Variants in LHFPL5 observed in about 807,000 individuals in gnomAD.
The protein encoded by LHFPL5 is LHFPL tetraspan subfamily member 5 protein.
LHFPL5 carries 12 observed loss-of-function variants against 18.7 expected under a neutral mutation model. The ratio of observed to expected loss-of-function variants is 0.64; its 90% confidence interval spans 0.41 to 1.04. The LOEUF is 1.04. Ranked by LOEUF, LHFPL5 falls within the 50% of genes least tolerant of loss-of-function variation. The probability of loss-of-function intolerance (pLI) is 0.00; values close to 1 mark genes in which losing one functional copy is unlikely to be tolerated. For missense variants in LHFPL5, 259 were observed against 292.1 expected, an observed-to-expected ratio of 0.89 and a Z score of 0.83; for synonymous variants, 111 against 120.2, an observed-to-expected ratio of 0.92 and a Z score of 0.50.
chr6:35,806,018 C>T lies in LHFPL5; in HGVS notation c.348C>T (p.Ser116=), dbSNP rs373755299. 3 of 1,614,128 alleles carry T rather than the reference C, an allele frequency of 1.9e-6. No individual in the cohort carries two copies. Among genetic ancestry groups the T allele is most frequent in the Middle Eastern group, 1.6e-4 (1 of 6,084 alleles). The change falls in exon 1 of 4, where the codon AGC becomes AGT. Residue 116 remains serine (S), a synonymous_variant. Coordinates refer to ENST00000360215, the MANE Select transcript of LHFPL5 (RefSeq NM_182548.4). ...FLIIGSIICF[S]LFFICNTATV... ...TCATTGGCTCCATCATCTGCTTCAG[C>T]CTGTTCTTCATCTGCAACACGGCCA...
rs557741915 is a variant in LHFPL5 at position 35,814,658 on chromosome 6, C to A, written c.525C>A (p.Ile175=). 2 of 1,614,176 alleles carry A rather than the reference C, an allele frequency of 1.2e-6. No homozygotes were observed. Among genetic ancestry groups the A allele is most frequent in the East Asian group, 2.2e-5 (1 of 44,870 alleles). Reference sequence around the variant, plus strand: ...AGTACACGCTGGGCCACTGCACCATCCGCTGGGCCTTCATGCTGGCCATCC... The same window carrying A: ...AGTACACGCTGGGCCACTGCACCATACGCTGGGCCTTCATGCTGGCCATCC... ...TGKYTLGHCT[I]RWAFMLAILS... Residue 175 remains isoleucine, a synonymous_variant, in exon 2 of 4, where the codon ATC becomes ATA. Transcript: ENST00000360215. This position sits in a 1 kb window ranked among gnomAD's most constrained non-coding sequence, Gnocchi z 4.2.
At chr6:35,818,320 C>CATATATATATATATAT (rs112710434) in intron 2 of LHFPL5, among the ~76,000 whole-genome samples, 10 of 120,260 alleles carry the variant, frequency 8.3e-5, no homozygotes, top group African/African-American at 2.9e-4. Flanking sequence ...TACTAAAAGC[C>CATATATATATATATAT]ATATATATAT....
chr6:35,817,905 A>AT (rs2151071518), intron 2 of LHFPL5, among the ~76,000 whole-genome samples: 1 of 152,336 alleles, frequency 6.6e-6, no homozygotes, highest in African/African-American at 2.4e-5. Flanking sequence ...TTATACACAA[A>AT]TGTTCATGGC....
intron 3 of LHFPL5, among the ~76,000 whole-genome samples, chr6:35,822,576 C>T (rs540258166): frequency 1.3e-5 from 2 of 152,178 alleles, no homozygotes; most frequent in South Asian, 2.1e-4. Context: ...GGTCTGATCT[C>T]GGCTCACTGC....
At chr6:35,821,711 C>T (rs1768871252) in intron 3 of LHFPL5, among the ~76,000 whole-genome samples, 1 of 151,928 alleles carries the variant, frequency 6.6e-6, no homozygotes, top group Non-Finnish European at 1.5e-5. Flanking sequence ...GAACTCCCGA[C>T]CTCAGGTGAT....
At chr6:35,818,339 A>ATTTTTTT (rs1768800371) in intron 2 of LHFPL5, among the ~76,000 whole-genome samples, 1 of 27,864 alleles carries the variant, frequency 3.6e-5, no homozygotes, top group African/African-American at 2.3e-4. Flanking sequence ...ATATATATAT[A>ATTTTTTT]TATATATATG....
chr6:35,822,674 AT>A (rs1768887981), intron 3 of LHFPL5, among the ~76,000 whole-genome samples: 1 of 151,966 alleles, frequency 6.6e-6, no homozygotes, highest in Non-Finnish European at 1.5e-5. Flanking sequence ...CGCCTGGCTA[AT>A]TTTTTGTATT....
rs1768718192 is a variant in LHFPL5, at chr6:35,814,103, C to T, written c.413-443C>T. ...TGAGCCACCACCCCCAGGCTAGACA[C>T]TTTCTTATTGAGCTTATTTCACAGA... On this transcript the variant is annotated intron_variant, in intron 1 of 3. Transcript: ENST00000360215. This position sits in a 1 kb window ranked among gnomAD's most constrained non-coding sequence, Gnocchi z 4.2. 6.6e-6 allele frequency among the ~76,000 whole-genome samples: 1 copy of T among 152,198 alleles called. No homozygotes were observed. Among genetic ancestry groups the T allele is most frequent in the Non-Finnish European group, 1.5e-5 (1 of 68,032 alleles).
chr6:35,819,330 T>G, intron 2 of LHFPL5, 107 bp from the exon 3 acceptor site: 121 of 1,052,552 alleles, frequency 1.1e-4, no homozygotes, highest in Non-Finnish European at 1.6e-4. Flanking sequence ...CAAGCTTTCT[T>G]GAGAGTAAGA....
chr6:35,821,447 CTTTG>C (rs1382879211), intron 3 of LHFPL5, among the ~76,000 whole-genome samples: 54 of 114,458 alleles, frequency 4.7e-4, no homozygotes, highest in Non-Finnish European at 5.9e-4. Flanking sequence ...AGAGCATAAT[CTTTG>C]TGTGTGTGTG....
intron 2 of LHFPL5, among the ~76,000 whole-genome samples, chr6:35,818,885 G>C (rs994907450): frequency 6.6e-6 from 1 of 151,826 alleles, no homozygotes; most frequent in African/African-American, 2.4e-5. Flanking sequence ...GGGCTGGAGT[G>C]CAGTGGCGTG....
chr6:35,808,810 AGG>A (rs2151069519), intron 1 of LHFPL5, among the ~76,000 whole-genome samples: 1 of 151,592 alleles, frequency 6.6e-6, no homozygotes, highest in East Asian at 2.0e-4. Flanking sequence ...CAGTGCCAGG[AGG>A]GGGAGGGGTT....
chr6:35,814,838 G>A lies in LHFPL5; in HGVS notation c.649+56G>A. ...TGCCTGGAGACCCTGGGATGTGGGTGGGGGTTCATCTTAGCCAGTCCTCTA... is the reference window on the plus strand; with the variant it reads ...TGCCTGGAGACCCTGGGATGTGGGTAGGGGTTCATCTTAGCCAGTCCTCTA... On this transcript the variant is annotated intron_variant, in intron 2 of 3. Coordinates refer to ENST00000360215, the MANE Select transcript of LHFPL5 (RefSeq NM_182548.4). This position sits in a 1 kb window ranked among gnomAD's most constrained non-coding sequence, Gnocchi z 4.2. The A allele has an allele frequency of 6.6e-7, 1 of 1,505,836 alleles. No individual in the cohort carries two copies. The highest frequency in any genetic ancestry group is 9.2e-7 in the Non-Finnish European group (1 of 1,081,860). 93.3% of individuals were successfully genotyped at this position (1,505,836 alleles called of 1,614,324 possible).
At chr6:35,810,226 A>C (rs1384965107) in intron 1 of LHFPL5, among the ~76,000 whole-genome samples, 1 of 152,078 alleles carries the variant, frequency 6.6e-6, no homozygotes, top group Admixed American at 6.6e-5. Context: ...ATCACCTCCC[A>C]AAGGCCCCAC....
At chr6:35,807,691 A>G (rs930348186) in intron 1 of LHFPL5, among the ~76,000 whole-genome samples, 1 of 152,130 alleles carries the variant, frequency 6.6e-6, no homozygotes, top group African/African-American at 2.4e-5. Flanking sequence ...CCACCCCCCA[A>G]CTATAGATGA....
intron 1 of LHFPL5, among the ~76,000 whole-genome samples, chr6:35,810,335 A>C (rs1215896462): frequency 6.6e-6 from 1 of 152,182 alleles, no homozygotes; most frequent in Non-Finnish European, 1.5e-5. Context: ...TAGCAGCAGT[A>C]CCCACTTCAG....
intron 3 of LHFPL5, among the ~76,000 whole-genome samples, chr6:35,821,287 G>A (rs1333835964): frequency 6.8e-6 from 1 of 146,494 alleles, no homozygotes; most frequent in Non-Finnish European, 1.5e-5. Flanking sequence ...CTGGGAGAGA[G>A]AGCAAGACTG....
intron 3 of LHFPL5, among the ~76,000 whole-genome samples, chr6:35,821,449 T>TTG (rs34049571): frequency 0.062 from 7,496 of 120,334 alleles, 308 homozygotes; most frequent in African/African-American, 0.12. Flanking sequence ...AGCATAATCT[T>TTG]TGTGTGTGTG....
At chr6:35,807,078 T>TCA (rs1561951236) in intron 1 of LHFPL5, among the ~76,000 whole-genome samples, 2 of 152,116 alleles carry the variant, frequency 1.3e-5, no homozygotes, top group Non-Finnish European at 2.9e-5. Context: ...TTTGCCTGCC[T>TCA]CAGTCTCCCA....
Sources: allele counts gnomAD v4.1 joint callset (sites outside exome capture counted in the v4.1 genomes callset), GRCh38; gene constraint gnomAD v4.1.1; non-coding constraint Gnocchi (gnomAD v3.1); transcripts MANE v1.5; gene names NCBI Gene and HGNC (gene_info 2026-07-23, HGNC 2026-07-21).